CDH8: variants seen among roughly 807,000 people sequenced by gnomAD.
CDH8 encodes cadherin-8.
CDH8 carries 17 observed loss-of-function variants against 68.1 expected under a neutral mutation model. That is an observed-to-expected ratio of 0.25 (90% CI 0.17 to 0.37). The LOEUF is 0.37. Among genes scored for constraint, CDH8 ranks in the 10% least tolerant of loss-of-function variants. The probability of loss-of-function intolerance (pLI) is 1.00; values close to 1 mark genes in which losing one functional copy is unlikely to be tolerated. For synonymous variants in CDH8, 372 were observed against 365.1 expected (o/e 1.02, Z -0.21); for missense variants, 763 against 999.3 (o/e 0.76, Z 3.19).
At chr16:61,945,179 G>T (rs1167789584) in intron 2 of CDH8, among the ~76,000 whole-genome samples, 2 of 152,114 alleles carry the variant, frequency 1.3e-5, no homozygotes, top group Non-Finnish European at 2.9e-5. Context: ...TAAACTTTTG[G>T]AGACTTTTAA....
intron 9 of CDH8, among the ~76,000 whole-genome samples, chr16:61,724,962 G>T (rs1159175064): frequency 6.6e-6 from 1 of 150,784 alleles, no homozygotes; most frequent in Non-Finnish European, 1.5e-5. Flanking sequence ...TAACATAAAG[G>T]ATTCAAAGAG....
At chr16:61,900,856 G>T (rs1025893363) in intron 3 of CDH8, among the ~76,000 whole-genome samples, 2 of 152,158 alleles carry the variant, frequency 1.3e-5, no homozygotes, top group African/African-American at 4.8e-5. Context: ...GATTAGCTTG[G>T]CATGTTAGAA....
chr16:61,767,499 T>C (rs1296310276), intron 8 of CDH8, among the ~76,000 whole-genome samples: 2 of 151,848 alleles, frequency 1.3e-5, no homozygotes, highest in African/African-American at 4.8e-5. Context: ...TAGTAAAGAA[T>C]AAAGAATCAG....
chr16:61,936,522 T>C (rs1964629439), intron 2 of CDH8, among the ~76,000 whole-genome samples: 1 of 152,176 alleles, frequency 6.6e-6, no homozygotes, highest in Non-Finnish European at 1.5e-5. Flanking sequence ...AGGATATATG[T>C]AGCTACGAAG....
intron 2 of CDH8, among the ~76,000 whole-genome samples, chr16:61,991,198 G>A (rs1173088164): frequency 6.6e-6 from 1 of 152,146 alleles, no homozygotes; most frequent in African/African-American, 2.4e-5. Flanking sequence ...AACTGCCAGA[G>A]TTAGCGTCTC....
At chr16:61,965,096 T>C (rs574651139) in intron 2 of CDH8, among the ~76,000 whole-genome samples, 121 of 152,180 alleles carry the variant, frequency 8.0e-4, no homozygotes, top group African/African-American at 2.8e-3. Context: ...GCTTTGGGGG[T>C]TGAGGTTGGG....
At chr16:61,786,931 A>G (rs1410233169) in intron 8 of CDH8, among the ~76,000 whole-genome samples, 1 of 58,606 alleles carries the variant, frequency 1.7e-5, no homozygotes, top group African/African-American at 9.4e-5. Context: ...CCTTATACAA[A>G]AATCAATTCA....
At chr16:61,904,186 T>C (rs1964027188) in intron 2 of CDH8, among the ~76,000 whole-genome samples, 1 of 152,178 alleles carries the variant, frequency 6.6e-6, no homozygotes, top group Non-Finnish European at 1.5e-5. Flanking sequence ...GAAAAGACTG[T>C]AGGTGTGCAA....
chr16:61,797,068 G>A (rs1412654267), intron 7 of CDH8, among the ~76,000 whole-genome samples: 3 of 151,880 alleles, frequency 2.0e-5, no homozygotes, highest in Non-Finnish European at 2.9e-5. Flanking sequence ...CTGATATTTG[G>A]CACAAAAATT....
chr16:61,884,293 CATGAAGATA>C (rs1963631001), intron 3 of CDH8, among the ~76,000 whole-genome samples: 1 of 152,062 alleles, frequency 6.6e-6, no homozygotes, highest in Non-Finnish European at 1.5e-5. Context: ...GCCTACTCAA[CATGAAGATA>C]ATGAGGATGA....
intron 6 of CDH8, chr16:61,818,158 C>T (rs963246522): frequency 6.2e-6 from 1 of 160,938 alleles, no homozygotes; most frequent in Admixed American, 5.8e-5. Context: ...ATCATTTCTG[C>T]AACAGAGTGT....
intron 2 of CDH8, among the ~76,000 whole-genome samples, chr16:61,942,211 G>A (rs1319307443): frequency 6.6e-6 from 1 of 152,084 alleles, no homozygotes; most frequent in Non-Finnish European, 1.5e-5. Flanking sequence ...AACAGACTAA[G>A]GAATGGGCAC....
At chr16:61,715,779 A>G (rs1964719696) in intron 9 of CDH8, among the ~76,000 whole-genome samples, 1 of 151,644 alleles carries the variant, frequency 6.6e-6, no homozygotes, top group Non-Finnish European at 1.5e-5. Context: ...AACATGAGTT[A>G]AAGTACAAGG....
At chr16:62,007,831 C>T (rs1901709571) in intron 2 of CDH8, among the ~76,000 whole-genome samples, 1 of 152,094 alleles carries the variant, frequency 6.6e-6, no homozygotes, top group Non-Finnish European at 1.5e-5. Context: ...CACTTTACCT[C>T]ATTTTCTCTC....
chr16:62,021,555 G>T lies in CDH8; in HGVS notation c.-152C>A. ...ACGGGAAACAGACATCATCTAAGCAGCTTTTCTAAGACCACAATCCATTGG... is the reference window on the plus strand; with the variant it reads ...ACGGGAAACAGACATCATCTAAGCATCTTTTCTAAGACCACAATCCATTGG... On this transcript the variant is annotated 5_prime_UTR_variant, in exon 2 of 12. In the 5' UTR this introduces an upstream ATG that the reference lacks. Transcript: ENST00000577390. The T allele has an allele frequency of 7.1e-7, 1 of 1,407,542 alleles. No individual in the cohort carries two copies. The allele number at this position is 1,407,542 out of a possible 1,614,324, so 87.2% of individuals were successfully genotyped here.
At chr16:61,938,591 C>A (rs1964663092) in intron 2 of CDH8, among the ~76,000 whole-genome samples, 1 of 152,094 alleles carries the variant, frequency 6.6e-6, no homozygotes. Context: ...TAAGGTACTG[C>A]TAATAATTAA....
chr16:61,858,957 A>G (rs913160094), intron 3 of CDH8, among the ~76,000 whole-genome samples: 17 of 152,132 alleles, frequency 1.1e-4, no homozygotes, highest in Non-Finnish European at 2.2e-4. Flanking sequence ...AACTAGGGGA[A>G]AAGCAGCATA....
chr16:61,706,856 C>A (rs1407411553), intron 10 of CDH8, among the ~76,000 whole-genome samples: 1 of 152,070 alleles, frequency 6.6e-6, no homozygotes, highest in Admixed American at 6.5e-5. Context: ...AAAATTGGGT[C>A]ATTCTGTCAC....
chr16:61,688,134 A>G (rs1964143978), intron 10 of CDH8, among the ~76,000 whole-genome samples: 1 of 151,968 alleles, frequency 6.6e-6, no homozygotes, highest in Non-Finnish European at 1.5e-5. Context: ...TTTTAGAGGG[A>G]GAAGGAAGGG....
Sources: gnomAD v4.1 joint callset for allele counts (sites outside exome capture counted in the v4.1 genomes callset) on GRCh38, gnomAD v4.1.1 for gene constraint, MANE v1.5 for transcripts, NCBI Gene and HGNC (gene_info 2026-07-23, HGNC 2026-07-21) for gene names.